STXBP5: variants seen among roughly 807,000 people sequenced by gnomAD.
STXBP5 encodes the protein syntaxin-binding protein 5.
In STXBP5, 50 loss-of-function variants were observed where a neutral mutation model predicts 152.4. That is an observed-to-expected ratio of 0.33 (90% confidence interval 0.26 to 0.42). The LOEUF is 0.42. Among genes scored for constraint, STXBP5 ranks in the 10% least tolerant of loss-of-function variants. STXBP5 has a pLI of 1.00. For missense variants in STXBP5, 1,167 were observed against 1,388.6 expected, an observed-to-expected ratio of 0.84 and a Z score of 2.54; for synonymous variants, 492 against 494.7, an observed-to-expected ratio of 0.99 and a Z score of 0.07.
intron 2 of STXBP5, among the ~76,000 whole-genome samples, chr6:147,225,459 T>G (rs550136160): frequency 6.6e-6 from 1 of 152,346 alleles, no homozygotes; most frequent in African/African-American, 2.4e-5. Flanking sequence ...ATGTCCCTTC[T>G]GTAGAGATTA....
chr6:147,286,528 A>G (rs1212978545), intron 8 of STXBP5, among the ~76,000 whole-genome samples: 1 of 152,222 alleles, frequency 6.6e-6, no homozygotes. Context: ...GTTATAGCTC[A>G]GTAGAGCTAT....
chr6:147,326,746 A>G (rs958684565), intron 17 of STXBP5, among the ~76,000 whole-genome samples: 6 of 152,212 alleles, frequency 3.9e-5, no homozygotes, highest in Non-Finnish European at 5.9e-5. Context: ...ACCCCAAAGT[A>G]TAATCTCCTA....
At chr6:147,274,616 A>G (rs1780349468) in intron 7 of STXBP5, among the ~76,000 whole-genome samples, 1 of 152,194 alleles carries the variant, frequency 6.6e-6, no homozygotes, top group South Asian at 2.1e-4. Context: ...CATATGTGCT[A>G]TAAGCATGTA....
chr6:147,250,730 T>C (rs1397973038), intron 4 of STXBP5, among the ~76,000 whole-genome samples: 1 of 152,080 alleles, frequency 6.6e-6, no homozygotes, highest in Non-Finnish European at 1.5e-5. Flanking sequence ...TATCCTATTG[T>C]TGGATGTATC....
chr6:147,293,391 C>G (rs1781373651), intron 9 of STXBP5: 1 of 152,180 alleles, frequency 6.6e-6, no homozygotes, highest in African/African-American at 2.4e-5. Context: ...CTCTCAGTCC[C>G]TGGCCTCTTT....
At chr6:147,348,908 A>C (rs1421988590) in intron 21 of STXBP5, among the ~76,000 whole-genome samples, 8 of 152,162 alleles carry the variant, frequency 5.3e-5, no homozygotes, top group Non-Finnish European at 8.8e-5. Context: ...GTTGATCTCA[A>C]CTATGTAAAG....
intron 21 of STXBP5, among the ~76,000 whole-genome samples, chr6:147,344,809 AG>A (rs1168195893): frequency 6.8e-6 from 1 of 146,950 alleles, no homozygotes; most frequent in Non-Finnish European, 1.5e-5. Context: ...ACACTGTGTT[AG>A]GTTTATGTAA....
At chr6:147,268,227 T>C (rs181193496) in intron 7 of STXBP5, among the ~76,000 whole-genome samples, 1 of 152,288 alleles carries the variant, frequency 6.6e-6, no homozygotes, top group Non-Finnish European at 1.5e-5. Context: ...TACTAATCTG[T>C]ATATTTCTGA....
chr6:147,263,457 G>T lies in STXBP5; in HGVS notation c.630+1104G>T, dbSNP rs149277879. 1.2e-3 allele frequency among the ~76,000 whole-genome samples: 177 copies of T among 149,696 alleles called. 2 individuals are homozygous for T. The highest frequency in any genetic ancestry group is 4.1e-3 in the African/African-American group (168 of 40,698). The stretch of plus-strand genomic sequence containing the variant: ...TCCTCCTGCCTTGTAATCCCAAACT[G>T]CTGGGATTATAAGCACAAGCCACTG... On this transcript the variant is annotated intron_variant, in intron 6 of 27. Coordinates refer to ENST00000321680, the MANE Select transcript of STXBP5 (RefSeq NM_001127715.4).
chr6:147,382,852 G>C lies in STXBP5; in HGVS notation c.3268G>C (p.Val1090Leu). 1 of 1,613,552 alleles carries C rather than the reference G, an allele frequency of 6.2e-7. No individual in the cohort carries two copies. The highest frequency in any genetic ancestry group is 8.5e-7 in the Non-Finnish European group (1 of 1,179,666). Residue 1090 changes from valine to leucine, a missense_variant, in exon 27 of 28, where the codon GTA (valine) becomes CTA (leucine). Transcript: ENST00000321680. ...TCCTGGCCCTGGTGGCATTGAAGGC[G>C]TAAAAGGGGCAGCATCTGGAGTTGT... is the stretch of plus-strand genomic sequence containing the variant. ...HIPGPGGIEG[V>L]KGAASGVVGE...
At chr6:147,244,523 G>C (rs1041058869) in intron 4 of STXBP5, among the ~76,000 whole-genome samples, 5 of 152,008 alleles carry the variant, frequency 3.3e-5, no homozygotes, top group Admixed American at 6.6e-5. Flanking sequence ...ACATTTTTAC[G>C]TCTCCGAAAT....
intron 2 of STXBP5, among the ~76,000 whole-genome samples, chr6:147,220,552 C>T (rs1437513910): frequency 6.6e-6 from 1 of 152,078 alleles, no homozygotes; most frequent in African/African-American, 2.4e-5. Flanking sequence ...TATTTTGACA[C>T]TCTGTTCTTA....
rs375325921 is a variant in STXBP5, at chr6:147,316,256, A to T, written c.1651A>T (p.Ile551Leu). ...GCTTGAAGTTCGATTATTATATGAGATAAATGATGTGGAAACTCCGGAGGG... is the reference window on the plus strand; with the variant it reads ...GCTTGAAGTTCGATTATTATATGAGTTAAATGATGTGGAAACTCCGGAGGG... Reference protein sequence around the residue: ...PMLEVRLLYEINDVETPEGEQ... With the variant: ...PMLEVRLLYELNDVETPEGEQ... The change falls in exon 16 of 28, where the codon ATA becomes TTA. Residue 551 changes from isoleucine to leucine, a missense_variant. Around this residue, in one of 3 missense-constraint regions of STXBP5, gnomAD observed 833 missense variants for 986.3 expected, o/e 0.84. Transcript: ENST00000321680. 3.3e-5 allele frequency: 53 copies of T among 1,613,904 alleles called. No homozygotes were observed. The highest frequency in any genetic ancestry group is 4.2e-5 in the Non-Finnish European group (49 of 1,179,992).
At chr6:147,309,935 A>G in intron 9 of STXBP5, 149 bp from the exon 10 acceptor site, 1 of 512,352 alleles carries the variant, frequency 2.0e-6, no homozygotes, top group Admixed American at 4.2e-5. Context: ...TAATCCAATT[A>G]AAAATTCCAT....
At chr6:147,273,439 A>C (rs1359945586) in intron 7 of STXBP5, among the ~76,000 whole-genome samples, 1 of 152,166 alleles carries the variant, frequency 6.6e-6, no homozygotes. Flanking sequence ...TGATATTTTA[A>C]GACAATAATA....
rs919962856 is a variant in STXBP5, at chr6:147,363,329, T to C, written c.2546-6T>C. 6 of 1,556,128 alleles carry C rather than the reference T, an allele frequency of 3.9e-6. No individual in the cohort carries two copies. Among genetic ancestry groups the C allele is most frequent in the East Asian group, 2.2e-5 (1 of 44,494 alleles). On this transcript the variant is annotated splice_region_variant and splice_polypyrimidine_tract_variant and intron_variant, in intron 23 of 27. Transcript: ENST00000321680. ...TTCAGTTATTTACTAGACTTCTATATTTTAGGTACTATATTGAGGTTAAAA... is the reference window on the plus strand; with the variant it reads ...TTCAGTTATTTACTAGACTTCTATACTTTAGGTACTATATTGAGGTTAAAA...
At chr6:147,343,066 G>A (rs549776540) in intron 21 of STXBP5, among the ~76,000 whole-genome samples, 57 of 152,080 alleles carry the variant, frequency 3.7e-4, no homozygotes, top group Non-Finnish European at 5.2e-4. Flanking sequence ...ATAATGACTC[G>A]AAATTATGGT....
intron 2 of STXBP5, among the ~76,000 whole-genome samples, chr6:147,208,957 T>C (rs760074417): frequency 1.3e-5 from 2 of 152,160 alleles, no homozygotes; most frequent in African/African-American, 4.8e-5. Flanking sequence ...GATATAAATA[T>C]GCTGAATGCT....
intron 8 of STXBP5, among the ~76,000 whole-genome samples, chr6:147,289,087 C>T (rs371271653): frequency 3.9e-5 from 6 of 152,288 alleles, no homozygotes; most frequent in African/African-American, 7.2e-5. Flanking sequence ...GTCTCCCTGG[C>T]GCTTGCATTC....
Sources: gnomAD v4.1 joint callset for allele counts (sites outside exome capture counted in the v4.1 genomes callset) on GRCh38, gnomAD v4.1.1 for gene constraint, gnomAD v4.1.1 regional missense constraint, MANE v1.5 for transcripts, NCBI Gene and HGNC (gene_info 2026-07-23, HGNC 2026-07-21) for gene names.